PTPRZ1: variants seen among roughly 807,000 people sequenced by gnomAD.
PTPRZ1 encodes receptor-type tyrosine-protein phosphatase zeta.
In PTPRZ1, 82 loss-of-function variants were observed where a neutral mutation model predicts 214.1. That is an observed-to-expected ratio of 0.38 (90% CI 0.32 to 0.46). PTPRZ1 has a LOEUF of 0.46. Among genes scored for constraint, PTPRZ1 ranks in the 20% least tolerant of loss-of-function variants. The probability of loss-of-function intolerance (pLI) is 1.00; values close to 1 mark genes in which losing one functional copy is unlikely to be tolerated. For missense variants in PTPRZ1, 2,603 were observed against 2,748.7 expected (o/e 0.95, Z 1.19); for synonymous variants, 945 against 987.9 (o/e 0.96, Z 0.81).
intron 12 of PTPRZ1, among the ~76,000 whole-genome samples, chr7:122,016,797 T>C (rs181009276): frequency 1.1e-4 from 16 of 152,042 alleles, no homozygotes; most frequent in Admixed American, 6.6e-4. Flanking sequence ...CATGTTGCTT[T>C]GAAAATTTGT....
intron 1 of PTPRZ1, among the ~76,000 whole-genome samples, chr7:121,920,097 C>T (rs1422504892): frequency 6.6e-6 from 1 of 152,020 alleles, no homozygotes; most frequent in Non-Finnish European, 1.5e-5. Flanking sequence ...CCTTTATGAA[C>T]TTGCTTGGTG....
At chr7:122,045,866 C>T (rs1799881655) in intron 23 of PTPRZ1, among the ~76,000 whole-genome samples, 1 of 152,106 alleles carries the variant, frequency 6.6e-6, no homozygotes, top group Non-Finnish European at 1.5e-5. Context: ...AGATATTTTA[C>T]TCTCTTTCCT....
chr7:122,031,483 G>C lies in PTPRZ1; in HGVS notation c.5090G>C (p.Gly1697Ala). The C allele has an allele frequency of 1.2e-6, 2 of 1,610,694 alleles. No individual in the cohort carries two copies. The highest frequency in any genetic ancestry group is 4.5e-5 in the East Asian group (2 of 44,678). The change falls in exon 15 of 30, where the codon GGA becomes GCA. Residue 1697 changes from glycine to alanine, a missense_variant. Gly to Ala is a moderately conservative substitution (Grantham distance 60). Coordinates refer to ENST00000393386, the MANE Select transcript of PTPRZ1 (RefSeq NM_002851.3). ...TPIFPISDDV[G>A]AIPIKHFPKH... The stretch of plus-strand genomic sequence containing the variant: ...TTTTTTATTCACGTAGATGATGTCG[G>C]AGCAATTCCAATAAAGCACTTTCCA...
intron 12 of PTPRZ1, among the ~76,000 whole-genome samples, chr7:122,014,767 T>G (rs544132363): frequency 4.3e-4 from 66 of 152,334 alleles, no homozygotes; most frequent in African/African-American, 2.9e-4. Flanking sequence ...TATTTATTTA[T>G]TTAGTTTTAT....
At chr7:121,941,357 G>A (rs111248747) in intron 2 of PTPRZ1, among the ~76,000 whole-genome samples, 1 of 152,284 alleles carries the variant, frequency 6.6e-6, no homozygotes, top group African/African-American at 2.4e-5. Context: ...TTTTTGTGTT[G>A]TTTAAGTGAT....
At position 122,034,317 on chromosome 7, in the gene PTPRZ1, A is replaced by G; in HGVS notation, c.5223A>G (p.Thr1741=). Reference sequence around the variant, plus strand: ...GCTGTACTGTTGACTTAGGTATTACAGCAGACAGCTCCAACCACCCAGACA... The same window carrying G: ...GCTGTACTGTTGACTTAGGTATTACGGCAGACAGCTCCAACCACCCAGACA... The part of the protein sequence containing the change: ...VQSCTVDLGI[T]ADSSNHPDNK... Residue 1741 remains threonine (T), a synonymous_variant, in exon 17 of 30, where the codon ACA becomes ACG. Coordinates refer to ENST00000393386, the MANE Select transcript of PTPRZ1 (RefSeq NM_002851.3). The G allele has an allele frequency of 1.9e-6, 3 of 1,613,562 alleles. No homozygotes were observed. The highest frequency in any genetic ancestry group is 2.5e-6 in the Non-Finnish European group (3 of 1,179,680).
In PTPRZ1 at chr7:121,984,081, T is replaced by G. The variant is rs771678651; in HGVS notation, c.892T>G (p.Ser298Ala). The G allele has an allele frequency of 6.2e-7, 1 of 1,613,616 alleles. No homozygotes were observed. The highest frequency in any genetic ancestry group is 1.1e-5 in the South Asian group (1 of 91,042). Reference protein sequence around the residue: ...QQYKFSRQVFSSYTGKEEIHE... With the variant: ...QQYKFSRQVFASYTGKEEIHE... ...GTACAAGTTCTCTAGACAGGTGTTT[T>G]CCTCATACACTGGAAAGGAAGAGAT... The change falls in exon 8 of 30, where the codon TCC becomes GCC. Residue 298 changes from serine to alanine, a missense_variant. By Grantham distance (99) the Ser-to-Ala change is moderately conservative. Coordinates refer to ENST00000393386, the MANE Select transcript of PTPRZ1 (RefSeq NM_002851.3).
chr7:121,974,861 C>T lies in PTPRZ1; in HGVS notation c.457-1312C>T, dbSNP rs1330969704. Among the ~76,000 whole-genome samples the T allele has an allele frequency of 3.9e-5, 6 of 151,916 alleles. No individual in the cohort carries two copies. In the South Asian group the frequency reaches 1.2e-3, roughly 31 times the overall value. On this transcript the variant is annotated intron_variant, in intron 4 of 29. Coordinates refer to ENST00000393386, the MANE Select transcript of PTPRZ1 (RefSeq NM_002851.3). ...CCCAAGGATCATCCCTGGCTTGCTC[C>T]GTATTTCTTATCTCCTACATCTCAC...
intron 1 of PTPRZ1, among the ~76,000 whole-genome samples, chr7:121,899,589 T>C (rs903591249): frequency 6.6e-6 from 1 of 152,196 alleles, no homozygotes; most frequent in Non-Finnish European, 1.5e-5. Flanking sequence ...GCTTGAGTCC[T>C]GGAGCTCTTT....
intron 1 of PTPRZ1, among the ~76,000 whole-genome samples, chr7:121,913,155 G>A (rs764860895): frequency 8.5e-5 from 13 of 152,060 alleles, no homozygotes; most frequent in Non-Finnish European, 1.8e-4. Flanking sequence ...TTAAAGAAAT[G>A]GTATTAAGAT....
Position 121,997,859 on chromosome 7 carries a change from TTAC to T in PTPRZ1, c.1114-18_1114-16del. On this transcript the variant is annotated intron_variant, in intron 9 of 29. Transcript: ENST00000393386. Reference sequence around the variant, plus strand: ...TCCTATGAGAATAACATTTGTATAATTACTAACATCTTTCTTTTAGGGTGCTAT... The same window carrying T: ...TCCTATGAGAATAACATTTGTATAATTAACATCTTTCTTTTAGGGTGCTAT... The T allele has an allele frequency of 6.3e-7, 1 of 1,591,274 alleles. No homozygotes were observed. The highest frequency in any genetic ancestry group is 8.6e-7 in the Non-Finnish European group (1 of 1,163,904).
At chr7:121,897,139 T>C (rs1794809237) in intron 1 of PTPRZ1, among the ~76,000 whole-genome samples, 1 of 152,236 alleles carries the variant, frequency 6.6e-6, no homozygotes, top group South Asian at 2.1e-4. Context: ...AATGCAATGA[T>C]AGACACTATT....
At chr7:121,950,900 C>T (rs1470667427) in intron 2 of PTPRZ1, among the ~76,000 whole-genome samples, 1 of 152,170 alleles carries the variant, frequency 6.6e-6, no homozygotes, top group Non-Finnish European at 1.5e-5. Context: ...AGAAACAGAA[C>T]GTATTTGTGG....
chr7:121,934,868 T>C (rs1274018952), intron 2 of PTPRZ1, among the ~76,000 whole-genome samples: 1 of 152,182 alleles, frequency 6.6e-6, no homozygotes, highest in Non-Finnish European at 1.5e-5. Flanking sequence ...AGCCTCGTTG[T>C]GGAGGCTGAA....
chr7:122,039,357 A>G (rs1429060453), intron 19 of PTPRZ1, 97 bp from the exon 20 acceptor site: 2 of 1,337,042 alleles, frequency 1.5e-6, no homozygotes, highest in Non-Finnish European at 2.1e-6. Flanking sequence ...GAAGGAGTCC[A>G]TTCCTGTCAC....
Position 121,984,091 on chromosome 7 carries a change from C to T in PTPRZ1, c.902C>T (p.Thr301Ile). The change falls in exon 8 of 30, where the codon ACT becomes ATT. Residue 301 changes from threonine to isoleucine, a missense_variant. Transcript: ENST00000393386. ...TCTAGACAGGTGTTTTCCTCATACA[C>T]TGGAAAGGAAGAGATTCATGAAGCA... Reference protein sequence around the residue: ...KFSRQVFSSYTGKEEIHEAVC... With the variant: ...KFSRQVFSSYIGKEEIHEAVC... The T allele has an allele frequency of 6.2e-7, 1 of 1,613,148 alleles. No homozygotes were observed. Among genetic ancestry groups the T allele is most frequent in the Non-Finnish European group, 8.5e-7 (1 of 1,179,542 alleles).
chr7:121,937,465 C>T (rs1421581921), intron 2 of PTPRZ1, among the ~76,000 whole-genome samples: 1 of 152,136 alleles, frequency 6.6e-6, no homozygotes, highest in East Asian at 1.9e-4. Context: ...CCAGAGTGTT[C>T]CTCTTTCTCA....
At chr7:122,028,878 A>G (rs1174587559) in intron 14 of PTPRZ1, among the ~76,000 whole-genome samples, 1 of 152,074 alleles carries the variant, frequency 6.6e-6, no homozygotes, top group African/African-American at 2.4e-5. Context: ...ATAGTTTATA[A>G]TTGTTCAGGT....
chr7:121,987,967 A>T (rs554623024), intron 8 of PTPRZ1, among the ~76,000 whole-genome samples: 1 of 152,312 alleles, frequency 6.6e-6, no homozygotes, highest in Non-Finnish European at 1.5e-5. Flanking sequence ...GGAGCTAAAC[A>T]TTAATTACAC....
Sources: allele counts gnomAD v4.1 joint callset (sites outside exome capture counted in the v4.1 genomes callset), GRCh38; gene constraint gnomAD v4.1.1; transcripts MANE v1.5; gene names NCBI Gene and HGNC (gene_info 2026-07-23, HGNC 2026-07-21).